STRN3: variants seen among roughly 807,000 people sequenced by gnomAD.
STRN3 encodes the protein striatin-3.
Under a neutral mutation model 95.6 loss-of-function variants are expected in STRN3, and 29 were observed. The ratio of observed to expected loss-of-function variants is 0.30; its 90% CI spans 0.23 to 0.41. STRN3 has a LOEUF of 0.41. STRN3 is among the 10% of genes least tolerant of loss of function. The pLI is 1.00. For missense variants in STRN3, 890 were observed against 972.1 expected (o/e 0.92, Z 1.12); for synonymous variants, 331 against 357.6 (o/e 0.93, Z 0.84).
intron 5 of STRN3, among the ~76,000 whole-genome samples, chr14:30,946,366 G>A (rs558341817): frequency 2.0e-5 from 3 of 151,680 alleles, no homozygotes; most frequent in African/African-American, 7.3e-5. Flanking sequence ...AACAGAGCAA[G>A]AACCCATCTC....
At chr14:30,971,866 AC>A (rs1255254139) in intron 1 of STRN3, among the ~76,000 whole-genome samples, 1 of 152,172 alleles carries the variant, frequency 6.6e-6, no homozygotes, top group Non-Finnish European at 1.5e-5. Flanking sequence ...GCTGTGTCAT[AC>A]CATGCATCCG....
chr14:30,933,563 C>T (rs1012600696), intron 7 of STRN3, among the ~76,000 whole-genome samples: 4 of 152,006 alleles, frequency 2.6e-5, no homozygotes, highest in Non-Finnish European at 4.4e-5. Flanking sequence ...AATGTCTGCA[C>T]AGAGAAGCTA....
chr14:30,946,934 G>A (rs1036835138), intron 5 of STRN3, among the ~76,000 whole-genome samples, 156 bp downstream of exon 5: 4 of 148,322 alleles, frequency 2.7e-5, no homozygotes, highest in South Asian at 2.1e-4. Flanking sequence ...AGCCGAGATC[G>A]TACCATTGCA....
chr14:30,905,078 A>G (rs1299128315), intron 15 of STRN3, among the ~76,000 whole-genome samples: 4 of 152,160 alleles, frequency 2.6e-5, no homozygotes, highest in Non-Finnish European at 5.9e-5. Flanking sequence ...CTATCTAAAT[A>G]AACTGTAAAA....
intron 1 of STRN3, among the ~76,000 whole-genome samples, chr14:31,006,326 A>T (rs1882712015): frequency 6.6e-6 from 1 of 152,024 alleles, no homozygotes; most frequent in African/African-American, 2.4e-5. Context: ...AGGCTGAGGC[A>T]GGAGGGCAGC....
chr14:30,922,189 A>G (rs1302988816), intron 8 of STRN3, among the ~76,000 whole-genome samples: 1 of 151,974 alleles, frequency 6.6e-6, no homozygotes, highest in Non-Finnish European at 1.5e-5. Context: ...ACACTCAGCT[A>G]ATTTTTGTAT....
intron 1 of STRN3, among the ~76,000 whole-genome samples, chr14:30,983,151 C>G (rs1881492903): frequency 6.6e-6 from 1 of 152,148 alleles, no homozygotes; most frequent in Non-Finnish European, 1.5e-5. Context: ...TCTTGGTTTT[C>G]TCAACTGTAA....
chr14:30,996,375 T>C (rs2064639979), intron 1 of STRN3, among the ~76,000 whole-genome samples: 1 of 152,176 alleles, frequency 6.6e-6, no homozygotes. Flanking sequence ...AGTTTTCCAG[T>C]AGAAGGGAAT....
chr14:30,990,089 G>A (rs1881880628), intron 1 of STRN3, among the ~76,000 whole-genome samples: 1 of 151,366 alleles, frequency 6.6e-6, no homozygotes, highest in Non-Finnish European at 1.5e-5. Context: ...TGGGCCTAAT[G>A]ACTCAAGGAG....
chr14:30,950,425 C>T (rs1309893865), intron 4 of STRN3, among the ~76,000 whole-genome samples: 1 of 152,034 alleles, frequency 6.6e-6, no homozygotes, highest in African/African-American at 2.4e-5. Flanking sequence ...TCCAATACAG[C>T]AAGTAATTCA....
At chr14:30,950,647 T>G (rs1879592291) in intron 4 of STRN3, among the ~76,000 whole-genome samples, 1 of 152,176 alleles carries the variant, frequency 6.6e-6, no homozygotes, top group East Asian at 1.9e-4. Context: ...ATCCAGTCTT[T>G]TGGACATTCT....
At chr14:30,966,187 CG>C (rs1350130130) in intron 1 of STRN3, among the ~76,000 whole-genome samples, 2 of 150,242 alleles carry the variant, frequency 1.3e-5, no homozygotes, top group South Asian at 4.1e-4. Flanking sequence ...TAACCCTAGC[CG>C]ACAGGGGAAC....
intron 5 of STRN3, among the ~76,000 whole-genome samples, chr14:30,944,246 G>A (rs1369732097): frequency 6.6e-6 from 1 of 151,900 alleles, no homozygotes; most frequent in Non-Finnish European, 1.5e-5. Context: ...TATGAACTAC[G>A]TGGGTGACCA....
intron 1 of STRN3, among the ~76,000 whole-genome samples, chr14:30,957,302 A>C (rs12891080): frequency 0.23 from 35,431 of 151,850 alleles, 4,362 homozygotes; most frequent in Non-Finnish European, 0.26. Context: ...AAAATACAAA[A>C]AATTGCCAGG....
chr14:30,911,648 A>G (rs928636751), intron 12 of STRN3, 129 bp downstream of exon 12: 5 of 802,402 alleles, frequency 6.2e-6, no homozygotes, highest in Non-Finnish European at 9.7e-6. Flanking sequence ...CAATTATTAA[A>G]TAGCTATTAT....
chr14:30,946,974 C>T (rs1879391424), intron 5 of STRN3, 116 bp downstream of exon 5: 5 of 667,636 alleles, frequency 7.5e-6, no homozygotes, highest in Admixed American at 4.4e-5. Flanking sequence ...AGCAAGACTC[C>T]GTGTCAAAAA....
chr14:30,936,327 T>C (rs1009029809), intron 6 of STRN3, among the ~76,000 whole-genome samples, 168 bp downstream of exon 6: 2 of 152,200 alleles, frequency 1.3e-5, no homozygotes, highest in Non-Finnish European at 2.9e-5. Context: ...TAGCAAACAA[T>C]TCCTACTCTA....
chr14:30,965,003 G>C (rs1449845842), intron 1 of STRN3, among the ~76,000 whole-genome samples: 2 of 152,062 alleles, frequency 1.3e-5, no homozygotes, highest in African/African-American at 4.8e-5. Context: ...GCTCTAGTTA[G>C]ACATGTCATT....
At chr14:31,006,118 CAAAAAAA>C (rs370320880) in intron 1 of STRN3, among the ~76,000 whole-genome samples, 1 of 75,270 alleles carries the variant, frequency 1.3e-5, no homozygotes, top group Non-Finnish European at 2.7e-5. Context: ...GACTCTGTCT[CAAAAAAA>C]AAAAAAAAAA....
Sources: allele counts gnomAD v4.1 joint callset (sites outside exome capture counted in the v4.1 genomes callset), GRCh38; gene constraint gnomAD v4.1.1; transcripts MANE v1.5; gene names NCBI Gene and HGNC (gene_info 2026-07-23, HGNC 2026-07-21).